Variants in COL5A2 observed in about 807,000 individuals in gnomAD.
COL5A2 encodes the protein collagen alpha-2(V) chain.
In COL5A2, 23 loss-of-function variants were observed where a neutral mutation model predicts 208.2. That is an observed-to-expected ratio of 0.11 (90% CI 0.08 to 0.16). The LOEUF (loss-of-function observed/expected upper bound fraction) is 0.16, where lower values mean the gene tolerates loss of function less well. COL5A2 is among the 10% of genes least tolerant of loss of function. COL5A2 has a pLI of 1.00. For synonymous variants in COL5A2, 625 were observed against 628.5 expected (o/e 0.99, Z 0.08); for missense variants, 1,590 against 1,956.4 (o/e 0.81, Z 3.53).
At chr2:189,266,598 G>C in the COL5A2 span, among the ~76,000 whole-genome samples, 7 of 152,104 alleles carry the variant, frequency 4.6e-5, no homozygotes, top group Non-Finnish European at 8.8e-5. Flanking sequence ...TAGATTAGTG[G>C]TTGTTAGAGG....
the COL5A2 span, among the ~76,000 whole-genome samples, chr2:189,331,051 A>G: frequency 6.6e-6 from 1 of 152,234 alleles, no homozygotes. Flanking sequence ...ATTGCGAAAA[A>G]TGTGTACTTA....
chr2:189,073,214 A>G (rs767012879), intron 17 of COL5A2, among the ~76,000 whole-genome samples: 5 of 151,668 alleles, frequency 3.3e-5, no homozygotes, highest in Non-Finnish European at 5.9e-5. Context: ...CCCTCATAAT[A>G]TTTTCTTTTC....
At chr2:189,343,723 A>T in the COL5A2 span, among the ~76,000 whole-genome samples, 1 of 152,156 alleles carries the variant, frequency 6.6e-6, no homozygotes, top group African/African-American at 2.4e-5. Flanking sequence ...CCTTAAATCC[A>T]TGGGTATTTT....
At chr2:189,413,505 T>C in the COL5A2 span, among the ~76,000 whole-genome samples, 1 of 152,034 alleles carries the variant, frequency 6.6e-6, no homozygotes, top group African/African-American at 2.4e-5. Context: ...TCCACTGAGG[T>C]CTTCTGTTCT....
chr2:189,194,097 A>C (rs1291832082), intron 1 of COL5A2, among the ~76,000 whole-genome samples: 2 of 152,186 alleles, frequency 1.3e-5, no homozygotes, highest in Non-Finnish European at 2.9e-5. Flanking sequence ...TTTAATTTCT[A>C]AAACGGTAAA....
At chr2:189,429,054 C>A in the COL5A2 span, among the ~76,000 whole-genome samples, 1 of 151,980 alleles carries the variant, frequency 6.6e-6, no homozygotes, top group African/African-American at 2.4e-5. Flanking sequence ...GCATAGGGAC[C>A]ATAATAAATG....
chr2:189,267,768 G>A, the COL5A2 span, among the ~76,000 whole-genome samples: 3 of 152,006 alleles, frequency 2.0e-5, no homozygotes, highest in Non-Finnish European at 4.4e-5. Flanking sequence ...TTACAGAAAA[G>A]CTTTTAGGGT....
intron 1 of COL5A2, among the ~76,000 whole-genome samples, chr2:189,117,939 A>G (rs1687427506): frequency 6.6e-6 from 1 of 152,136 alleles, no homozygotes; most frequent in South Asian, 2.1e-4. Flanking sequence ...TTGTTGAATT[A>G]ATTTATTGAA....
At chr2:189,229,637 A>C (rs1221080823), upstream of COL5A2, among the ~76,000 whole-genome samples, 1 of 151,776 alleles carries the variant, frequency 6.6e-6, no homozygotes, top group Non-Finnish European at 1.5e-5. Flanking sequence ...GGACCAAAAG[A>C]CTTGTACACT....
At chr2:189,416,773 T>A in the COL5A2 span, among the ~76,000 whole-genome samples, 1 of 152,212 alleles carries the variant, frequency 6.6e-6, no homozygotes, top group Admixed American at 6.5e-5. Flanking sequence ...CCTGACTTTA[T>A]TTCAAAACTT....
chr2:189,436,530 TA>T, the COL5A2 span, among the ~76,000 whole-genome samples: 7 of 151,738 alleles, frequency 4.6e-5, no homozygotes, highest in African/African-American at 1.7e-4. Context: ...ACAATAATAA[TA>T]AAAAAAGATA....
At chr2:189,432,972 A>G in the COL5A2 span, among the ~76,000 whole-genome samples, 1 of 152,220 alleles carries the variant, frequency 6.6e-6, no homozygotes, top group African/African-American at 2.4e-5. Flanking sequence ...AGAAATCACA[A>G]CAAATGGTCT....
chr2:189,284,356 T>G, the COL5A2 span, among the ~76,000 whole-genome samples: 1 of 152,150 alleles, frequency 6.6e-6, no homozygotes, highest in Non-Finnish European at 1.5e-5. Context: ...AAAAGAGGTA[T>G]AATTGATTCA....
At chr2:189,320,589 A>G in the COL5A2 span, among the ~76,000 whole-genome samples, 1 of 152,232 alleles carries the variant, frequency 6.6e-6, no homozygotes, top group African/African-American at 2.4e-5. Flanking sequence ...AAATGAATGA[A>G]ATAAAGTGAG....
At chr2:189,103,243 C>G (rs1687081556) in intron 3 of COL5A2, among the ~76,000 whole-genome samples, 1 of 152,152 alleles carries the variant, frequency 6.6e-6, no homozygotes, top group African/African-American at 2.4e-5. Flanking sequence ...TGTGAAATAG[C>G]ATTTGCAGCC....
At chr2:189,414,444 C>A in the COL5A2 span, among the ~76,000 whole-genome samples, 1 of 151,930 alleles carries the variant, frequency 6.6e-6, no homozygotes, top group East Asian at 1.9e-4. Context: ...TTTCTGGGAC[C>A]CTAAAGACCC....
the COL5A2 span, among the ~76,000 whole-genome samples, chr2:189,438,953 C>T: frequency 6.6e-6 from 1 of 152,102 alleles, no homozygotes; most frequent in Non-Finnish European, 1.5e-5. Context: ...ACTATACCCC[C>T]TTGATGATTA....
At chr2:189,049,636 C>T (rs936319532) in intron 43 of COL5A2, among the ~76,000 whole-genome samples, 182 bp from the exon 44 acceptor site, 16 of 152,190 alleles carry the variant, frequency 1.1e-4, no homozygotes, top group Non-Finnish European at 7.4e-5. Flanking sequence ...CTATCAGACT[C>T]CTCTTGACGT....
At chr2:189,064,421 G>A in intron 25 of COL5A2, 136 bp downstream of exon 25, 1 of 696,406 alleles carries the variant, frequency 1.4e-6, no homozygotes, top group Non-Finnish European at 2.5e-6. Flanking sequence ...TAATGAATTG[G>A]ATCAAAACCA....
Sources: gnomAD v4.1 joint callset for allele counts (sites outside exome capture counted in the v4.1 genomes callset) on GRCh38, gnomAD v4.1.1 for gene constraint, MANE v1.5 for transcripts, NCBI Gene and HGNC (gene_info 2026-07-23, HGNC 2026-07-21) for gene names.